Variants in UTRN observed in about 807,000 individuals in gnomAD.
UTRN encodes the protein dystrophin-related protein 1.
A neutral mutation model predicts 463.9 loss-of-function variants in UTRN; 283 were observed. That is an observed-to-expected ratio of 0.61 (90% CI 0.55 to 0.67). The LOEUF (loss-of-function observed/expected upper bound fraction) is 0.67. Among genes scored for constraint, UTRN ranks in the 30% least tolerant of loss-of-function variants. The pLI is 0.00. For missense variants in UTRN, 3,922 were observed against 4,084.3 expected (o/e 0.96, Z 1.08); for synonymous variants, 1,442 against 1,431.5 (o/e 1.01, Z -0.17).
rs147647622 is a variant in UTRN, at chr6:144,561,750, G to A, written c.7289+4439G>A. ...AAGTGGAGAACATGTCTAATATGTGGGGTTATTGTGATATCAAAAGTTATG... is the reference window on the plus strand; with the variant it reads ...AAGTGGAGAACATGTCTAATATGTGAGGTTATTGTGATATCAAAAGTTATG... On this transcript the variant is annotated intron_variant, in intron 50 of 74. Transcript: ENST00000367545. Among the ~76,000 whole-genome samples, 328 of 152,132 alleles carry A rather than the reference G, an allele frequency of 2.2e-3. 1 individual carries two copies. Among genetic ancestry groups the A allele is most frequent in the African/African-American group, 7.4e-3 (309 of 41,518 alleles).
chr6:144,374,369 C>T (rs1309371166), intron 2 of UTRN, among the ~76,000 whole-genome samples: 3 of 152,034 alleles, frequency 2.0e-5, no homozygotes, highest in Non-Finnish European at 4.4e-5. Context: ...ATGCCCTGCA[C>T]GGTGGCTCAC....
chr6:144,757,871 T>C, intron 57 of UTRN, 58 bp from the exon 58 acceptor site: 1 of 1,498,252 alleles, frequency 6.7e-7, no homozygotes, highest in Non-Finnish European at 9.1e-7. Flanking sequence ...TGTTTTGCAT[T>C]AAGGTGTAAG....
At chr6:144,531,789 A>G (rs920304702) in intron 42 of UTRN, among the ~76,000 whole-genome samples, 3 of 152,162 alleles carry the variant, frequency 2.0e-5, no homozygotes, top group African/African-American at 4.8e-5. Flanking sequence ...TTTTAAATGT[A>G]TTTTATTTAG....
At chr6:144,500,509 A>G (rs998722417) in intron 34 of UTRN, among the ~76,000 whole-genome samples, 3 of 152,180 alleles carry the variant, frequency 2.0e-5, no homozygotes, top group African/African-American at 7.2e-5. Context: ...TTCCAAAAGC[A>G]TTACATTCAT....
intron 3 of UTRN, among the ~76,000 whole-genome samples, chr6:144,408,143 C>T (rs1783579080): frequency 6.6e-6 from 1 of 152,094 alleles, no homozygotes; most frequent in African/African-American, 2.4e-5. Flanking sequence ...AAATAAAAAC[C>T]CTATCATATA....
intron 54 of UTRN, among the ~76,000 whole-genome samples, chr6:144,746,174 C>A (rs538461361): frequency 1.3e-5 from 2 of 151,604 alleles, no homozygotes; most frequent in Admixed American, 1.3e-4. Context: ...CTAATTTTTT[C>A]GTATTTTTAA....
At position 144,474,475 on chromosome 6, in the gene UTRN, A is replaced by C. The variant is rs1790984935; in HGVS notation, c.3181-129A>C. 2.1e-6 allele frequency: 2 copies of C among 946,156 alleles called. 1 individual carries two copies. Among genetic ancestry groups the C allele is most frequent in the South Asian group, 4.3e-5 (2 of 46,028 alleles). The allele number at this position is 946,156 out of a possible 1,614,324, so 58.6% of individuals were successfully genotyped here. A position where few individuals can be genotyped will look rare whatever the true frequency, so the allele number is the denominator to read the frequency against. On this transcript the variant is annotated intron_variant, in intron 24 of 74. Transcript: ENST00000367545. ...GTTTCTTAAGGCACAATATTTCTTA[A>C]GTAGTTAGAAGTACTGACTCTTAAG...
intron 36 of UTRN, among the ~76,000 whole-genome samples, 157 bp downstream of exon 36, chr6:144,514,194 C>T (rs112636961): frequency 1.3e-3 from 199 of 152,154 alleles, no homozygotes; most frequent in African/African-American, 4.6e-3. Flanking sequence ...CAATAAGAGA[C>T]AAAATAAGAG....
chr6:144,613,014 T>A (rs948554934), intron 51 of UTRN, among the ~76,000 whole-genome samples: 1 of 152,112 alleles, frequency 6.6e-6, no homozygotes, highest in Non-Finnish European at 1.5e-5. Flanking sequence ...AATGGTATAC[T>A]ATTCATCCTT....
rs566486508 is a variant in UTRN at position 144,486,466 on chromosome 6, G to A, written c.3822+947G>A. On this transcript the variant is annotated intron_variant, in intron 28 of 74. Transcript: ENST00000367545. ...TTTCTTCCTAATTATTATCTTTTAT[G>A]TATGCATACTAGAAGGTAGTATATT... is the stretch of plus-strand genomic sequence containing the variant. Among the ~76,000 whole-genome samples the A allele has an allele frequency of 4.6e-5, 7 of 152,218 alleles. 1 individual carries two copies. The highest frequency in any genetic ancestry group is 1.5e-5 in the Non-Finnish European group (1 of 68,018).
At chr6:144,419,743 A>G (rs539764504) in intron 3 of UTRN, among the ~76,000 whole-genome samples, 120 of 151,978 alleles carry the variant, frequency 7.9e-4, no homozygotes, top group South Asian at 1.9e-3. Context: ...GCCTTTGCCC[A>G]CTCCCTGGCT....
At position 144,730,450 on chromosome 6, in the gene UTRN, C is replaced by T; in HGVS notation, c.7903C>T (p.Pro2635Ser). The T allele has an allele frequency of 1.2e-6, 2 of 1,610,580 alleles. No individual in the cohort carries two copies. Among genetic ancestry groups the T allele is most frequent in the Non-Finnish European group, 1.7e-6 (2 of 1,178,168 alleles). Residue 2635 changes from proline to serine, a missense_variant, in exon 54 of 75, where the codon CCT (proline) becomes TCT (serine). By Grantham distance (74) the Pro-to-Ser change is moderately conservative. This residue lies in a region of UTRN where 1,309 missense variants were observed against 1,452.6 expected (regional missense o/e 0.90). Coordinates refer to ENST00000367545, the MANE Select transcript of UTRN (RefSeq NM_007124.3). ...CTTGGCTGATCAGCCAATTGAGGCC[C>T]CTGAAGAGCCAAGAAGAAACCTACA... ...VFLADQPIEA[P>S]EEPRRNLQSK...
At chr6:144,732,428 A>G (rs1032276018) in intron 54 of UTRN, among the ~76,000 whole-genome samples, 1 of 151,650 alleles carries the variant, frequency 6.6e-6, no homozygotes, top group African/African-American at 2.4e-5. Context: ...ATCTGTTGCT[A>G]CTTTTGGTAG....
chr6:144,667,024 TTCC>T (rs58206153), intron 51 of UTRN, among the ~76,000 whole-genome samples: 6,157 of 151,350 alleles, frequency 0.041, 296 homozygotes, highest in African/African-American at 0.11. Context: ...CTTCCTCTTC[TTCC>T]TCCTCCTCCT....
At position 144,851,779 on chromosome 6, in the gene UTRN, A is replaced by G. The variant is rs1391934473; in HGVS notation, c.*782A>G. On this transcript the variant is annotated 3_prime_UTR_variant, in exon 75 of 75. Transcript: ENST00000367545. ...TTATTCCCTTTTTATATAAGTAGGAATTAATTATTTATTTTATGTCTTAAT... is the reference window on the plus strand; with the variant it reads ...TTATTCCCTTTTTATATAAGTAGGAGTTAATTATTTATTTTATGTCTTAAT... 1 of 152,158 alleles carries G rather than the reference A, an allele frequency of 6.6e-6. No individual in the cohort carries two copies. Among genetic ancestry groups the G allele is most frequent in the Non-Finnish European group, 1.5e-5 (1 of 68,028 alleles). The allele number at this position is 152,158 out of a possible 1,614,324, so 9.4% of individuals were successfully genotyped here.
chr6:144,479,124 T>TTG (rs1291078968), intron 25 of UTRN, among the ~76,000 whole-genome samples: 1 of 147,552 alleles, frequency 6.8e-6, no homozygotes, highest in East Asian at 2.0e-4. Context: ...GTTTTTTTTT[T>TTG]TTTTTTTTTT....
intron 2 of UTRN, among the ~76,000 whole-genome samples, chr6:144,358,127 T>C (rs969609583): frequency 2.6e-5 from 4 of 152,250 alleles, no homozygotes; most frequent in Non-Finnish European, 4.4e-5. Context: ...ATATTGTGGG[T>C]ATTAGACTAT....
chr6:144,344,090 C>CAA (rs34356247), intron 2 of UTRN: 29,896 of 825,536 alleles, frequency 0.036, 517 homozygotes, highest in African/African-American at 0.2. Context: ...TAAAAGCCAC[C>CAA]AAAAAAAAAA....
At chr6:144,683,953 C>A (rs1264152391) in intron 52 of UTRN, among the ~76,000 whole-genome samples, 1 of 152,124 alleles carries the variant, frequency 6.6e-6, no homozygotes, top group Non-Finnish European at 1.5e-5. Context: ...GTGAATGCAT[C>A]CATTATCCTA....
Sources: allele counts gnomAD v4.1 joint callset (sites outside exome capture counted in the v4.1 genomes callset), GRCh38; gene constraint gnomAD v4.1.1; regional missense constraint gnomAD v4.1.1; transcripts MANE v1.5; gene names NCBI Gene and HGNC (gene_info 2026-07-23, HGNC 2026-07-21).